Variants in SMIM36 observed in about 807,000 individuals in gnomAD.
SMIM36 encodes the protein small integral membrane protein 36.
chr17:55,487,346 T>A (rs1467707742), intron 1 of SMIM36, among the ~76,000 whole-genome samples: 1 of 151,958 alleles, frequency 6.6e-6, no homozygotes, highest in Middle Eastern at 3.2e-3. Context: ...TAACTTAGAG[T>A]ATCATAAAAA....
At chr17:55,473,938 G>T (rs973987409) in intron 3 of SMIM36, among the ~76,000 whole-genome samples, 3 of 152,126 alleles carry the variant, frequency 2.0e-5, no homozygotes, top group African/African-American at 7.2e-5. Flanking sequence ...ATCGGCCCCT[G>T]ACCTAATCAG....
intron 3 of SMIM36, among the ~76,000 whole-genome samples, chr17:55,475,395 C>G (rs1909411379): frequency 6.6e-6 from 1 of 152,172 alleles, no homozygotes; most frequent in African/African-American, 2.4e-5. Context: ...TATTCTCATT[C>G]CCGTTCTTAT....
chr17:55,470,895 T>C (rs1028467994), intron 3 of SMIM36, among the ~76,000 whole-genome samples: 3 of 152,112 alleles, frequency 2.0e-5, no homozygotes, highest in Non-Finnish European at 4.4e-5. Context: ...CAACATGGCC[T>C]CTTAAAGCCT....
intron 4 of SMIM36, among the ~76,000 whole-genome samples, chr17:55,460,888 A>T (rs1249783776): frequency 6.6e-6 from 1 of 152,160 alleles, no homozygotes; most frequent in Non-Finnish European, 1.5e-5. Context: ...AACCATAAAT[A>T]CATGAATTAG....
intron 1 of SMIM36, among the ~76,000 whole-genome samples, chr17:55,501,578 A>G (rs963115107): frequency 7.7e-6 from 1 of 129,772 alleles, no homozygotes; most frequent in Non-Finnish European, 1.5e-5. Context: ...TAATAATTAT[A>G]TATTCACTGG....
intron 1 of SMIM36, among the ~76,000 whole-genome samples, chr17:55,491,944 G>C (rs1909713657): frequency 6.6e-6 from 1 of 152,054 alleles, no homozygotes; most frequent in African/African-American, 2.4e-5. Context: ...GGAATCACGA[G>C]GTCAGTAGAT....
chr17:55,492,545 A>C (rs1909731785), intron 1 of SMIM36, among the ~76,000 whole-genome samples: 1 of 151,688 alleles, frequency 6.6e-6, no homozygotes, highest in African/African-American at 2.4e-5. Context: ...GGCATGAGCC[A>C]CTGCGCCCGG....
the SMIM36 span, among the ~76,000 whole-genome samples, chr17:55,516,510 G>C: frequency 1.3e-5 from 2 of 150,568 alleles, no homozygotes; most frequent in Non-Finnish European, 2.9e-5. Context: ...TATATAACAG[G>C]CCAAAATGTA....
upstream of SMIM36, among the ~76,000 whole-genome samples, chr17:55,515,286 C>A (rs940235188): frequency 6.6e-6 from 1 of 152,020 alleles, no homozygotes; most frequent in Non-Finnish European, 1.5e-5. Flanking sequence ...TAACTTTCAA[C>A]CTACCACCCT....
At chr17:55,490,598 A>G (rs1181812728) in intron 1 of SMIM36, among the ~76,000 whole-genome samples, 1 of 152,218 alleles carries the variant, frequency 6.6e-6, no homozygotes, top group East Asian at 1.9e-4. Flanking sequence ...ATGGTCTCCC[A>G]GAAACAGTGC....
At chr17:55,529,424 A>C in the SMIM36 span, among the ~76,000 whole-genome samples, 1 of 152,128 alleles carries the variant, frequency 6.6e-6, no homozygotes, top group East Asian at 1.9e-4. Context: ...GGAGTTCAAG[A>C]ACAGCCTGGG....
intron 4 of SMIM36, chr17:55,458,121 A>G (rs1909062907): frequency 6.6e-6 from 1 of 152,188 alleles, no homozygotes; most frequent in Non-Finnish European, 1.5e-5. Context: ...CTGTATTGTG[A>G]ACCTGGATTA....
At chr17:55,469,586 G>A (rs185844416) in intron 3 of SMIM36, among the ~76,000 whole-genome samples, 26 of 152,282 alleles carry the variant, frequency 1.7e-4, no homozygotes, top group African/African-American at 5.8e-4. Flanking sequence ...CCTTTAAGGT[G>A]TACAATAATA....
At chr17:55,492,815 T>C (rs984839367) in intron 1 of SMIM36, among the ~76,000 whole-genome samples, 1 of 152,148 alleles carries the variant, frequency 6.6e-6, no homozygotes, top group Non-Finnish European at 1.5e-5. Flanking sequence ...ATTGTTAAAG[T>C]TCCATGCACG....
At chr17:55,510,145 C>A (rs1418958538) in intron 1 of SMIM36, among the ~76,000 whole-genome samples, 2 of 152,140 alleles carry the variant, frequency 1.3e-5, no homozygotes, top group African/African-American at 2.4e-5. Context: ...CTCAACTTAA[C>A]CATGGCCACA....
intron 1 of SMIM36, among the ~76,000 whole-genome samples, chr17:55,498,152 C>T (rs548179268): frequency 1.7e-3 from 259 of 152,234 alleles, no homozygotes; most frequent in Non-Finnish European, 2.4e-3. Context: ...ATATCTGTGT[C>T]CAAAATTCCC....
chr17:55,463,453 G>C (rs114040538), intron 4 of SMIM36, among the ~76,000 whole-genome samples: 2,526 of 152,280 alleles, frequency 0.017, 67 homozygotes, highest in African/African-American at 0.057. Context: ...TTACTTGGCT[G>C]AGGCAAGAGG....
intron 4 of SMIM36, among the ~76,000 whole-genome samples, chr17:55,457,257 G>A (rs1909040794): frequency 6.6e-6 from 1 of 151,834 alleles, no homozygotes; most frequent in Admixed American, 6.6e-5. Context: ...AGACCATCCT[G>A]GCCAATATGG....
At chr17:55,494,464 C>A (rs999230743) in intron 1 of SMIM36, among the ~76,000 whole-genome samples, 2 of 152,032 alleles carry the variant, frequency 1.3e-5, no homozygotes, top group Admixed American at 1.3e-4. Flanking sequence ...CAATCTAGAC[C>A]AAAACCTGGG....
Sources: gnomAD v4.1 joint callset for allele counts (sites outside exome capture counted in the v4.1 genomes callset) on GRCh38, gnomAD v4.1.1 for gene constraint, MANE v1.5 for transcripts, NCBI Gene and HGNC (gene_info 2026-07-23, HGNC 2026-07-21) for gene names.